Variants in PPP1R12B observed in about 807,000 individuals in gnomAD.
PPP1R12B encodes myosin phosphatase target subunit 2.
A neutral mutation model predicts 126.1 loss-of-function variants in PPP1R12B; 76 were observed. That is an observed-to-expected ratio of 0.60 (90% CI 0.50 to 0.73). The LOEUF is 0.73. Among genes scored for constraint, PPP1R12B ranks in the 30% least tolerant of loss-of-function variants. The pLI is 0.00. For synonymous variants in PPP1R12B, 356 were observed against 434.7 expected (o/e 0.82, Z 2.25); for missense variants, 1,052 against 1,205.1 (o/e 0.87, Z 1.88).
At chr1:202,374,865 A>G (rs1164054834) in intron 1 of PPP1R12B, among the ~76,000 whole-genome samples, 1 of 150,606 alleles carries the variant, frequency 6.6e-6, no homozygotes, top group Non-Finnish European at 1.5e-5. Flanking sequence ...AGTCCAAGTC[A>G]TTGTCTCTCA....
At chr1:202,579,483 T>C (rs1248006392) in intron 23 of PPP1R12B, among the ~76,000 whole-genome samples, 1 of 152,242 alleles carries the variant, frequency 6.6e-6, no homozygotes, top group African/African-American at 2.4e-5. Flanking sequence ...TTGCTGCCAG[T>C]GGGACCCACA....
chr1:202,525,606 T>C (rs1243682361), intron 18 of PPP1R12B, among the ~76,000 whole-genome samples: 2 of 151,664 alleles, frequency 1.3e-5, no homozygotes, highest in African/African-American at 4.9e-5. Flanking sequence ...AGCTTTTTTT[T>C]TTTTTCTTTT....
intron 19 of PPP1R12B, among the ~76,000 whole-genome samples, chr1:202,559,840 G>A (rs1687342825): frequency 6.6e-6 from 1 of 152,086 alleles, no homozygotes; most frequent in African/African-American, 2.4e-5. Flanking sequence ...TTGGAGAGTG[G>A]TATTTTGCCG....
rs2148648336 is a variant in PPP1R12B at position 202,426,143 on chromosome 1, A to G, written c.701+418A>G. 1.3e-5 allele frequency among the ~76,000 whole-genome samples: 2 copies of G among 152,340 alleles called. 1 individual carries two copies. The highest frequency in any genetic ancestry group is 4.1e-4 in the South Asian group (2 of 4,834). ...GTATGCGATGTCCAGCTGGCACAGG[A>G]TAGCCAAACTTATATGAGGGATTTG... On this transcript the variant is annotated intron_variant, in intron 4 of 23. Coordinates refer to ENST00000608999, the MANE Select transcript of PPP1R12B (RefSeq NM_002481.4).
chr1:202,418,108 T>A (rs1365781801), intron 2 of PPP1R12B, among the ~76,000 whole-genome samples: 1 of 152,232 alleles, frequency 6.6e-6, no homozygotes, highest in African/African-American at 2.4e-5. Flanking sequence ...TCCAATTTAG[T>A]AAAAGTCAGT....
chr1:202,475,210 A>G (rs1676478263), intron 13 of PPP1R12B, among the ~76,000 whole-genome samples: 1 of 152,214 alleles, frequency 6.6e-6, no homozygotes, highest in Non-Finnish European at 1.5e-5. Context: ...AGCAAGGAAA[A>G]TTTGAACTAA....
At chr1:202,545,459 C>G (rs530266232) in intron 18 of PPP1R12B, among the ~76,000 whole-genome samples, 1 of 152,204 alleles carries the variant, frequency 6.6e-6, no homozygotes, top group Non-Finnish European at 1.5e-5. Flanking sequence ...TTCCTGCAAG[C>G]GGTGTCCTGC....
intron 18 of PPP1R12B, among the ~76,000 whole-genome samples, chr1:202,511,844 T>C (rs1373265262): frequency 6.6e-6 from 1 of 150,674 alleles, no homozygotes; most frequent in Non-Finnish European, 1.5e-5. Context: ...TGACATGATC[T>C]TGGCTCACTG....
At chr1:202,356,036 C>T (rs1406106792) in intron 1 of PPP1R12B, among the ~76,000 whole-genome samples, 2 of 151,944 alleles carry the variant, frequency 1.3e-5, no homozygotes, top group African/African-American at 4.8e-5. Context: ...AAAAAATTAG[C>T]CAGGTATGGT....
rs554219030 is a variant in PPP1R12B, at chr1:202,395,001, C to T, written c.292-21786C>T. Among the ~76,000 whole-genome samples, 341 of 149,676 alleles carry T rather than the reference C, an allele frequency of 2.3e-3. 1 individual carries two copies. The highest frequency in any genetic ancestry group is 7.9e-3 in the African/African-American group (321 of 40,728). Reference sequence around the variant, plus strand: ...GATGTGGTAGTGGGCGCTGTAATCCCAGCTACTTGGGAGGCTGAGGCATGA... The same window carrying T: ...GATGTGGTAGTGGGCGCTGTAATCCTAGCTACTTGGGAGGCTGAGGCATGA... On this transcript the variant is annotated intron_variant, in intron 1 of 23. Coordinates refer to ENST00000608999, the MANE Select transcript of PPP1R12B (RefSeq NM_002481.4).
At chr1:202,559,204 A>G (rs1687275485) in intron 19 of PPP1R12B, among the ~76,000 whole-genome samples, 1 of 152,214 alleles carries the variant, frequency 6.6e-6, no homozygotes. Flanking sequence ...AACAACATGA[A>G]TAAGACAGTA....
At chr1:202,433,388 A>G (rs1378230132) in intron 8 of PPP1R12B, among the ~76,000 whole-genome samples, 1 of 152,152 alleles carries the variant, frequency 6.6e-6, no homozygotes, top group Non-Finnish European at 1.5e-5. Flanking sequence ...TCACATTGCT[A>G]TTGGCATAAA....
At chr1:202,458,912 A>G (rs1337859704) in intron 13 of PPP1R12B, among the ~76,000 whole-genome samples, 1 of 152,262 alleles carries the variant, frequency 6.6e-6, no homozygotes, top group Non-Finnish European at 1.5e-5. Flanking sequence ...AGACCAAAGT[A>G]GTAGAAGGTT....
intron 18 of PPP1R12B, among the ~76,000 whole-genome samples, chr1:202,525,576 G>A (rs1683231088): frequency 6.6e-6 from 1 of 150,882 alleles, no homozygotes; most frequent in Non-Finnish European, 1.5e-5. Context: ...GAGAAGAGAG[G>A]AATTGAAAAC....
At position 202,431,523 on chromosome 1, in the gene PPP1R12B, G is replaced by T; in HGVS notation, c.1045G>T (p.Glu349Ter). Reference sequence around the variant, plus strand: ...TGAGGAGGAGACACCTAAGTCCCAAGAAATGGAGGAAGAAAATAAAGAATC... The same window carrying T: ...TGAGGAGGAGACACCTAAGTCCCAATAAATGGAGGAAGAAAATAAAGAATC... Reference protein sequence around the residue: ...LYEEETPKSQEMEEENKESSS... With the variant: ...LYEEETPKSQ The change falls in exon 8 of 24, where the codon GAA becomes TAA. Residue 349 changes from glutamate to a stop codon, truncating the protein, a stop_gained. Coordinates refer to ENST00000608999, the MANE Select transcript of PPP1R12B (RefSeq NM_002481.4). LOFTEE classifies it high-confidence loss of function. 1 of 1,613,330 alleles carries T rather than the reference G, an allele frequency of 6.2e-7. No individual in the cohort carries two copies. Among genetic ancestry groups the T allele is most frequent in the Non-Finnish European group, 8.5e-7 (1 of 1,179,722 alleles).
intron 23 of PPP1R12B, chr1:202,575,065 A>G (rs1688969780): frequency 6.2e-7 from 1 of 1,613,552 alleles, no homozygotes; most frequent in Non-Finnish European, 8.5e-7. Flanking sequence ...GCAGGCTGAG[A>G]ACAGGGCCCT....
intron 1 of PPP1R12B, among the ~76,000 whole-genome samples, chr1:202,355,748 G>A (rs1656957120): frequency 6.6e-6 from 1 of 152,190 alleles, no homozygotes; most frequent in Non-Finnish European, 1.5e-5. Context: ...AACCAGCTGA[G>A]TGAATGGAGA....
chr1:202,558,683 C>T (rs1687205560), intron 18 of PPP1R12B, 194 bp from the exon 19 acceptor site: 5 of 513,790 alleles, frequency 9.7e-6, no homozygotes, highest in Admixed American at 3.9e-5. Context: ...GAAGTGTGAA[C>T]TAGGGCTAAG....
intron 1 of PPP1R12B, among the ~76,000 whole-genome samples, chr1:202,382,797 A>G (rs1360261002): frequency 1.8e-4 from 27 of 150,532 alleles, no homozygotes; most frequent in African/African-American, 6.4e-4. Context: ...AATATCTTGA[A>G]CCCTGGAGCC....
Sources: allele counts gnomAD v4.1 joint callset (sites outside exome capture counted in the v4.1 genomes callset), GRCh38; gene constraint gnomAD v4.1.1; transcripts MANE v1.5; gene names NCBI Gene and HGNC (gene_info 2026-07-23, HGNC 2026-07-21).